Variants in PDE1A observed in about 807,000 individuals in gnomAD.
PDE1A encodes the protein phosphodiesterase 1A, also known as dual specificity calcium/calmodulin-dependent 3',5'-cyclic nucleotide phosphodiesterase 1A.
PDE1A carries 35 observed loss-of-function variants against 61.7 expected under a neutral mutation model. The observed-to-expected ratio is 0.57, with a 90% CI of 0.43 to 0.75. The LOEUF is 0.75. PDE1A is among the 30% of genes least tolerant of loss of function. The pLI is 0.00. For missense variants in PDE1A, 597 were observed against 630.6 expected (o/e 0.95, Z 0.57); for synonymous variants, 232 against 213.2 (o/e 1.09, Z -0.77).
chr2:182,562,504 G>C, the PDE1A span, among the ~76,000 whole-genome samples: 2 of 151,696 alleles, frequency 1.3e-5, no homozygotes, highest in African/African-American at 2.4e-5. Context: ...AAGGATATTG[G>C]TCTAAAATTC....
chr2:182,556,257 C>A, the PDE1A span, among the ~76,000 whole-genome samples: 1 of 151,890 alleles, frequency 6.6e-6, no homozygotes, highest in Non-Finnish European at 1.5e-5. Flanking sequence ...AATTTCCCAC[C>A]AAAGATCCAC....
At chr2:182,232,579 A>G (rs989615710) in intron 4 of PDE1A, among the ~76,000 whole-genome samples, 2 of 152,190 alleles carry the variant, frequency 1.3e-5, no homozygotes, top group African/African-American at 4.8e-5. Flanking sequence ...ACAAGCACCA[A>G]TGAAACAGTT....
At chr2:182,673,714 A>G in the PDE1A span, among the ~76,000 whole-genome samples, 2 of 151,924 alleles carry the variant, frequency 1.3e-5, no homozygotes, top group Admixed American at 1.3e-4. Context: ...TTTAAATAGA[A>G]TTGCCTTAAA....
At chr2:182,234,376 T>A in intron 4 of PDE1A, 56 bp downstream of exon 4, 1 of 1,199,244 alleles carries the variant, frequency 8.3e-7, no homozygotes. Context: ...ATAGCCTTTT[T>A]AAGAGAATTT....
the PDE1A span, among the ~76,000 whole-genome samples, chr2:182,561,664 G>A: frequency 9.2e-5 from 14 of 152,112 alleles, no homozygotes; most frequent in South Asian, 1.2e-3. Flanking sequence ...CCATTTTCAC[G>A]ATATTGATTC....
chr2:182,395,115 G>C lies in PDE1A; in HGVS notation c.53+31463C>G, dbSNP rs572635592. ...GCTTGAACAAATTAACATATTTCCT[G>C]GTACCTGCTATGCAGCCATTGATCT... On this transcript the variant is annotated intron_variant, in intron 1 of 13. Coordinates refer to ENST00000351439, the Ensembl canonical transcript of PDE1A. Among the ~76,000 whole-genome samples, 117 of 152,264 alleles carry C rather than the reference G, an allele frequency of 7.7e-4. 1 individual carries two copies. The highest frequency in any genetic ancestry group is 2.6e-3 in the African/African-American group (110 of 41,558).
intron 7 of PDE1A, among the ~76,000 whole-genome samples, chr2:182,221,456 C>A (rs1352426580): frequency 2.0e-5 from 3 of 152,040 alleles, no homozygotes; most frequent in African/African-American, 7.2e-5. Flanking sequence ...TCTTGTTTTC[C>A]TTTGACATTA....
chr2:182,369,006 A>T (rs1185640294), intron 1 of PDE1A, among the ~76,000 whole-genome samples: 2 of 150,878 alleles, frequency 1.3e-5, no homozygotes, highest in Non-Finnish European at 1.5e-5. Context: ...GTAGGGAGTT[A>T]GACTCGGATA....
intron 10 of PDE1A, among the ~76,000 whole-genome samples, chr2:182,191,652 C>T (rs940560609): frequency 1.7e-4 from 25 of 150,778 alleles, no homozygotes; most frequent in African/African-American, 5.4e-4. Flanking sequence ...TTGCACCACC[C>T]TAAATATTAT....
exon 9 of PDE1A, chr2:182,201,781 C>T (rs1686677655): frequency 4.4e-6 from 7 of 1,602,050 alleles, no homozygotes; most frequent in East Asian, 4.5e-5. Flanking sequence ...CACTAGGTTC[C>T]GAAGATCCCT....
chr2:182,627,257 T>TA, the PDE1A span, among the ~76,000 whole-genome samples: 18 of 14,308 alleles, frequency 1.3e-3, 4 homozygotes, highest in Admixed American at 3.8e-3. Context: ...AAATAATATA[T>TA]TATTTATATA....
intron 2 of PDE1A, chr2:182,242,053 G>T: frequency 7.7e-7 from 1 of 1,296,296 alleles, no homozygotes; most frequent in Non-Finnish European, 9.8e-7. Context: ...AAGTGGAATA[G>T]GAATCATTGT....
intron 1 of PDE1A, among the ~76,000 whole-genome samples, chr2:182,416,734 T>C (rs993608918): frequency 1.4e-4 from 21 of 152,160 alleles, no homozygotes; most frequent in African/African-American, 5.1e-4. Context: ...AAAACTAAAA[T>C]ATGTTTCTTT....
At chr2:182,375,106 C>T (rs1382580978) in intron 1 of PDE1A, among the ~76,000 whole-genome samples, 4 of 152,184 alleles carry the variant, frequency 2.6e-5, no homozygotes, top group African/African-American at 9.6e-5. Context: ...TATGGGAGTA[C>T]AATTTGAGAT....
intron 2 of PDE1A, among the ~76,000 whole-genome samples, chr2:182,461,638 T>C (rs1028776304): frequency 6.6e-6 from 1 of 152,168 alleles, no homozygotes; most frequent in African/African-American, 2.4e-5. Context: ...TCCTGTATGT[T>C]GCAAGTGACA....
At chr2:182,485,310 A>G (rs1687947768) in intron 2 of PDE1A, among the ~76,000 whole-genome samples, 1 of 152,094 alleles carries the variant, frequency 6.6e-6, no homozygotes, top group Non-Finnish European at 1.5e-5. Context: ...TGGGAGCTAA[A>G]AGATAAGAAC....
chr2:182,225,040 CT>C (rs1689032404), intron 6 of PDE1A, among the ~76,000 whole-genome samples: 1 of 151,868 alleles, frequency 6.6e-6, no homozygotes, highest in African/African-American at 2.4e-5. Flanking sequence ...TATGTGCACA[CT>C]TGATAAAAGT....
intron 2 of PDE1A, among the ~76,000 whole-genome samples, chr2:182,467,461 A>G (rs1686748030): frequency 6.6e-6 from 1 of 151,954 alleles, no homozygotes; most frequent in Non-Finnish European, 1.5e-5. Context: ...TCAATGGGGA[A>G]TTATATTAAA....
At chr2:182,636,886 G>C in the PDE1A span, among the ~76,000 whole-genome samples, 1 of 152,102 alleles carries the variant, frequency 6.6e-6, no homozygotes, top group East Asian at 1.9e-4. Context: ...TGTCAGCAGG[G>C]GGCTGGTCTT....
Sources: gnomAD v4.1 joint callset for allele counts (sites outside exome capture counted in the v4.1 genomes callset) on GRCh38, gnomAD v4.1.1 for gene constraint, MANE v1.5 for transcripts, NCBI Gene and HGNC (gene_info 2026-07-23, HGNC 2026-07-21) for gene names.